The following ARNT2 variants were observed in gnomAD, a reference collection of about 807,000 sequenced individuals.
ARNT2 encodes aryl hydrocarbon receptor nuclear translocator 2.
ARNT2 carries 36 observed loss-of-function variants against 91.7 expected under a neutral mutation model. That is an observed-to-expected ratio of 0.39 (90% confidence interval 0.30 to 0.52). The LOEUF is 0.52. Ranked by LOEUF, ARNT2 falls within the 20% of genes least tolerant of loss-of-function variation. The pLI is 0.72. For synonymous variants in ARNT2, 365 were observed against 347.1 expected, an observed-to-expected ratio of 1.05 and a Z score of -0.57; for missense variants, 775 against 939.3, an observed-to-expected ratio of 0.83 and a Z score of 2.29.
At chr15:80,561,508 G>A (rs1445836886) in intron 11 of ARNT2, among the ~76,000 whole-genome samples, 4 of 152,212 alleles carry the variant, frequency 2.6e-5, no homozygotes, top group African/African-American at 9.7e-5. Flanking sequence ...GGTTTGCTGT[G>A]TGTGCATACA....
At chr15:80,555,398 T>A (rs1455764082) in intron 11 of ARNT2, 3 of 443,732 alleles carry the variant, frequency 6.8e-6, no homozygotes, top group Non-Finnish European at 1.2e-5. Flanking sequence ...GCTGGAGAGG[T>A]TAACTGCATG....
intron 5 of ARNT2, among the ~76,000 whole-genome samples, chr15:80,483,983 G>A (rs1896928205): frequency 6.6e-6 from 1 of 152,186 alleles, no homozygotes; most frequent in Non-Finnish European, 1.5e-5. Flanking sequence ...TCCACCCCTG[G>A]GGTATCAGTT....
At chr15:80,503,981 A>T (rs1897236033) in intron 5 of ARNT2, among the ~76,000 whole-genome samples, 1 of 152,230 alleles carries the variant, frequency 6.6e-6, no homozygotes, top group South Asian at 2.1e-4. Context: ...CCATGTGTGC[A>T]GGATAGTTCT....
intron 17 of ARNT2, among the ~76,000 whole-genome samples, chr15:80,586,663 C>T (rs1893177658): frequency 6.6e-6 from 1 of 151,852 alleles, no homozygotes; most frequent in Non-Finnish European, 1.5e-5. Context: ...GCCAGGAGTC[C>T]AAGACCAGCC....
At chr15:80,572,043 C>A (rs1459054951) in intron 12 of ARNT2, among the ~76,000 whole-genome samples, 3 of 152,174 alleles carry the variant, frequency 2.0e-5, no homozygotes, top group Non-Finnish European at 4.4e-5. Flanking sequence ...CTTCTTTAAT[C>A]ATCCCTTTTG....
intron 5 of ARNT2, among the ~76,000 whole-genome samples, chr15:80,505,982 T>G (rs1212839235): frequency 7.5e-6 from 1 of 133,528 alleles, no homozygotes; most frequent in African/African-American, 2.8e-5. Flanking sequence ...CAGGCCGTAC[T>G]GCGGACCGCA....
chr15:80,553,918 A>G (rs997928821), intron 10 of ARNT2, among the ~76,000 whole-genome samples: 3 of 152,100 alleles, frequency 2.0e-5, no homozygotes, highest in Non-Finnish European at 4.4e-5. Context: ...ATAAAGGGAG[A>G]AATTGATTTG....
chr15:80,483,395 T>G (rs1288512354), intron 5 of ARNT2, among the ~76,000 whole-genome samples: 1 of 152,196 alleles, frequency 6.6e-6, no homozygotes, highest in African/African-American at 2.4e-5. Context: ...CCTGAGTGAC[T>G]CAACTGCCCT....
chr15:80,425,482 C>T (rs1895919858), intron 1 of ARNT2, among the ~76,000 whole-genome samples: 1 of 152,082 alleles, frequency 6.6e-6, no homozygotes, highest in Non-Finnish European at 1.5e-5. Context: ...GAAACTTTAG[C>T]AGACTGAATG....
At chr15:80,452,705 G>A (rs2141381823) in intron 2 of ARNT2, among the ~76,000 whole-genome samples, 1 of 152,354 alleles carries the variant, frequency 6.6e-6, no homozygotes, top group East Asian at 1.9e-4. Context: ...TCCAGGCAGA[G>A]ATGCTCAGGC....
At chr15:80,449,125 T>A (rs1223058364) in intron 1 of ARNT2, among the ~76,000 whole-genome samples, 1 of 152,234 alleles carries the variant, frequency 6.6e-6, no homozygotes, top group Non-Finnish European at 1.5e-5. Context: ...AGTTAAGCAA[T>A]CCTCTTTATA....
At chr15:80,507,222 G>A (rs922444771) in intron 5 of ARNT2, among the ~76,000 whole-genome samples, 2 of 152,202 alleles carry the variant, frequency 1.3e-5, no homozygotes, top group South Asian at 2.1e-4. Flanking sequence ...AAATAGCCAC[G>A]TGGGAGGAGG....
chr15:80,544,440 C>A (rs983147247), intron 8 of ARNT2, among the ~76,000 whole-genome samples: 2 of 152,142 alleles, frequency 1.3e-5, no homozygotes, highest in African/African-American at 4.8e-5. Context: ...TCTAAACCAT[C>A]ATTTCTTGCA....
chr15:80,531,632 C>T (rs1489932195), intron 8 of ARNT2, among the ~76,000 whole-genome samples: 1 of 152,238 alleles, frequency 6.6e-6, no homozygotes, highest in African/African-American at 2.4e-5. Context: ...ATAACACCAA[C>T]CATGTGGCAT....
intron 5 of ARNT2, among the ~76,000 whole-genome samples, chr15:80,486,408 A>G (rs1566984991): frequency 1.3e-5 from 2 of 152,334 alleles, no homozygotes; most frequent in East Asian, 3.9e-4. Context: ...ATATGTAGGC[A>G]GTGAAACCAA....
intron 1 of ARNT2, among the ~76,000 whole-genome samples, chr15:80,406,778 C>T (rs1200533950): frequency 1.3e-5 from 2 of 152,212 alleles, no homozygotes; most frequent in South Asian, 2.1e-4. Flanking sequence ...AGATCTTCAG[C>T]ATGGTGATAA....
At chr15:80,457,086 A>C (rs943396192) in intron 2 of ARNT2, among the ~76,000 whole-genome samples, 1 of 152,092 alleles carries the variant, frequency 6.6e-6, no homozygotes, top group Non-Finnish European at 1.5e-5. Context: ...CTTGACACCA[A>C]TTAAGTACCC....
In ARNT2 at chr15:80,504,429, T is replaced by C. The variant is rs59656536; in HGVS notation, c.623-3727T>C. On this transcript the variant is annotated intron_variant, in intron 5 of 18. Transcript: ENST00000303329. ...ACATATTGTCCGGGCTAAATGAATATTTGTGAAGTGATGGCTGAGGTGACA... is the reference window on the plus strand; with the variant it reads ...ACATATTGTCCGGGCTAAATGAATACTTGTGAAGTGATGGCTGAGGTGACA... Among the ~76,000 whole-genome samples, 816 of 152,324 alleles carry C rather than the reference T, an allele frequency of 5.4e-3. 5 individuals carry two copies. Among genetic ancestry groups the C allele is most frequent in the African/African-American group, 0.019 (793 of 41,564 alleles).
intron 1 of ARNT2, among the ~76,000 whole-genome samples, chr15:80,425,588 C>G (rs1393944032): frequency 6.6e-6 from 1 of 151,548 alleles, no homozygotes; most frequent in Non-Finnish European, 1.5e-5. Flanking sequence ...TTATTTTTTC[C>G]AAAAAAATGG....
Sources: gnomAD v4.1 joint callset for allele counts (sites outside exome capture counted in the v4.1 genomes callset) on GRCh38, gnomAD v4.1.1 for gene constraint, MANE v1.5 for transcripts, NCBI Gene and HGNC (gene_info 2026-07-23, HGNC 2026-07-21) for gene names.